FRMD3: variants seen among roughly 807,000 people sequenced by gnomAD.
FRMD3 encodes the protein FERM domain-containing protein 3.
FRMD3 carries 33 observed loss-of-function variants against 70.2 expected under a neutral mutation model. That is an observed-to-expected ratio of 0.47 (90% confidence interval 0.36 to 0.63). The LOEUF (loss-of-function observed/expected upper bound fraction) is 0.63. FRMD3 is among the 20% of genes least tolerant of loss of function. The pLI, the probability that FRMD3 is intolerant of heterozygous loss-of-function variation, is 0.00. For synonymous variants in FRMD3, 279 were observed against 255.9 expected, an observed-to-expected ratio of 1.09 and a Z score of -0.86; for missense variants, 632 against 711.4, an observed-to-expected ratio of 0.89 and a Z score of 1.27.
chr9:83,478,281 AT>A (rs748518373), intron 1 of FRMD3, among the ~76,000 whole-genome samples: 4 of 152,312 alleles, frequency 2.6e-5, no homozygotes, highest in Non-Finnish European at 4.4e-5. Context: ...TTGTTTTCCT[AT>A]GGGCTTCAGG....
chr9:83,490,797 C>T (rs1587467588), intron 1 of FRMD3, among the ~76,000 whole-genome samples: 1 of 103,220 alleles, frequency 9.7e-6, no homozygotes, highest in Non-Finnish European at 2.0e-5. Flanking sequence ...CTCTCTCTCT[C>T]TCACACACAC....
chr9:83,286,811 C>T (rs1469333339), intron 13 of FRMD3, among the ~76,000 whole-genome samples: 3 of 152,188 alleles, frequency 2.0e-5, no homozygotes, highest in Admixed American at 1.3e-4. Context: ...GTTTGAAGCT[C>T]TGAGAAGCAA....
At chr9:83,517,494 CAAAA>C (rs59178344) in intron 1 of FRMD3, among the ~76,000 whole-genome samples, 11 of 65,536 alleles carry the variant, frequency 1.7e-4, no homozygotes, top group East Asian at 1.4e-3. Context: ...CCTACCAATC[CAAAA>C]AAAAAAAAAA....
chr9:83,245,602 C>T lies in FRMD3; in HGVS notation c.*2316G>A, dbSNP rs1395178395. The T allele has an allele frequency of 2.5e-6, 2 of 796,848 alleles. No individual in the cohort carries two copies. The highest frequency in any genetic ancestry group is 3.0e-6 in the Non-Finnish European group (2 of 657,900). 49.4% of individuals were successfully genotyped at this position (796,848 alleles called of 1,614,324 possible). ...CGTTGGATTACATGTGATATTTATA[C>T]TATCATATTTTTTAAGTATTTTACA... is the stretch of plus-strand genomic sequence containing the variant. On this transcript the variant is annotated 3_prime_UTR_variant, in exon 14 of 14. Transcript: ENST00000304195.
chr9:83,421,518 G>A (rs1029893486), intron 1 of FRMD3, among the ~76,000 whole-genome samples: 1 of 152,172 alleles, frequency 6.6e-6, no homozygotes, highest in Non-Finnish European at 1.5e-5. Flanking sequence ...GGGTAGCAGA[G>A]CACAGCTCCC....
chr9:83,447,233 T>A (rs1048291625), intron 1 of FRMD3, among the ~76,000 whole-genome samples: 1 of 152,096 alleles, frequency 6.6e-6, no homozygotes, highest in Admixed American at 6.5e-5. Flanking sequence ...TCATGTTGGC[T>A]AGGCTGGTCT....
At chr9:83,452,671 A>T (rs1827699920) in intron 1 of FRMD3, among the ~76,000 whole-genome samples, 1 of 151,608 alleles carries the variant, frequency 6.6e-6, no homozygotes, top group Non-Finnish European at 1.5e-5. Context: ...TTTAGTAGAG[A>T]CGGGGTTTCA....
At chr9:83,419,623 A>G (rs1420194236) in intron 1 of FRMD3, among the ~76,000 whole-genome samples, 1 of 150,226 alleles carries the variant, frequency 6.7e-6, no homozygotes, top group Non-Finnish European at 1.5e-5. Context: ...GTGTGTGTTC[A>G]TGTGCGTTGA....
At chr9:83,336,965 C>T (rs1435236262) in intron 5 of FRMD3, among the ~76,000 whole-genome samples, 2 of 152,040 alleles carry the variant, frequency 1.3e-5, no homozygotes, top group Non-Finnish European at 2.9e-5. Context: ...TCTGGCCAGT[C>T]TATGGAGGCT....
At position 83,331,953 on chromosome 9, in the gene FRMD3, A is replaced by G. The variant is rs1823390440; in HGVS notation, c.596+3563T>C. 4.2e-6 allele frequency: 3 copies of G among 708,826 alleles called. No individual in the cohort carries two copies. In the Admixed American group the frequency reaches 6.2e-5, roughly 15 times the overall value. The allele number at this position is 708,826 out of a possible 1,614,324, so 43.9% of individuals were successfully genotyped here. A position where few individuals can be genotyped will look rare whatever the true frequency, so the allele number is the denominator to read the frequency against. On this transcript the variant is annotated intron_variant, in intron 6 of 13. Transcript: ENST00000304195. ...GCAGAAGTGCTATGAATCACTTCCGAAATGAAGCATGACCTTCCAGGGCTC... is the reference window on the plus strand; with the variant it reads ...GCAGAAGTGCTATGAATCACTTCCGGAATGAAGCATGACCTTCCAGGGCTC...
At chr9:83,570,390 A>AG in the FRMD3 span, among the ~76,000 whole-genome samples, 1 of 152,218 alleles carries the variant, frequency 6.6e-6, no homozygotes, top group African/African-American at 2.4e-5. Context: ...GCCATCTTGG[A>AG]GGTCATATAT....
intron 13 of FRMD3, 37 bp from the exon 14 acceptor site, chr9:83,248,553 T>A (rs1832246282): frequency 9.2e-6 from 14 of 1,524,962 alleles, no homozygotes; most frequent in Non-Finnish European, 1.2e-5. Flanking sequence ...ATTTAAAATT[T>A]CAGATTTTCC....
intron 1 of FRMD3, among the ~76,000 whole-genome samples, chr9:83,491,744 G>A (rs1360611670): frequency 6.6e-6 from 1 of 152,150 alleles, no homozygotes; most frequent in Non-Finnish European, 1.5e-5. Flanking sequence ...GGTAGGAAAG[G>A]GATTATGTTA....
At chr9:83,432,911 T>C (rs1465015744) in intron 1 of FRMD3, among the ~76,000 whole-genome samples, 2 of 152,212 alleles carry the variant, frequency 1.3e-5, no homozygotes. Context: ...CTTCTGAGTC[T>C]CCAATGTCCA....
intron 4 of FRMD3, among the ~76,000 whole-genome samples, chr9:83,344,492 C>T (rs74315912): frequency 3.5e-3 from 527 of 152,230 alleles, no homozygotes; most frequent in African/African-American, 0.012. Flanking sequence ...GATGACCCTC[C>T]CCAGTGTGAG....
intron 1 of FRMD3, among the ~76,000 whole-genome samples, chr9:83,447,506 G>C (rs566775546): frequency 6.6e-6 from 1 of 152,204 alleles, no homozygotes; most frequent in African/African-American, 2.4e-5. Context: ...GGCTGGATGC[G>C]GGCCAGCCGT....
chr9:83,330,950 A>G (rs934214456), intron 6 of FRMD3, among the ~76,000 whole-genome samples: 1 of 152,134 alleles, frequency 6.6e-6, no homozygotes, highest in African/African-American at 2.4e-5. Flanking sequence ...CACTAACAAC[A>G]CCAAATGTTG....
chr9:83,534,037 T>G (rs1829842368), intron 1 of FRMD3, among the ~76,000 whole-genome samples: 1 of 152,204 alleles, frequency 6.6e-6, no homozygotes, highest in South Asian at 2.1e-4. Context: ...CCACTCTAAT[T>G]GAAGTAGCAA....
At chr9:83,483,214 G>A (rs755586923) in intron 1 of FRMD3, among the ~76,000 whole-genome samples, 1 of 152,068 alleles carries the variant, frequency 6.6e-6, no homozygotes, top group African/African-American at 2.4e-5. Flanking sequence ...ATTGTGTAGC[G>A]CTTCCCCCTT....
Sources: gnomAD v4.1 joint callset for allele counts (sites outside exome capture counted in the v4.1 genomes callset) on GRCh38, gnomAD v4.1.1 for gene constraint, MANE v1.5 for transcripts, NCBI Gene and HGNC (gene_info 2026-07-23, HGNC 2026-07-21) for gene names.